Variants in GALNT6 observed in about 807,000 individuals in gnomAD.
The protein encoded by GALNT6 is GalNAc transferase 6.
In GALNT6, 51 loss-of-function variants were observed where a neutral mutation model predicts 65.9. The observed-to-expected ratio is 0.77, with a 90% CI of 0.62 to 0.98. The LOEUF is 0.98. Among genes scored for constraint, GALNT6 ranks in the 50% least tolerant of loss-of-function variants. GALNT6 has a pLI of 0.00. For missense variants in GALNT6, 708 were observed against 803.3 expected (o/e 0.88, Z 1.43); for synonymous variants, 323 against 315.1 (o/e 1.02, Z -0.26).
rs1250871804 is a variant in GALNT6, at chr12:51,365,576, T to C, written c.668A>G (p.His223Arg). 6.2e-7 allele frequency: 1 copy of C among 1,613,638 alleles called. No individual in the cohort carries two copies. Among genetic ancestry groups the C allele is most frequent in the East Asian group, 2.2e-5 (1 of 44,876 alleles). ...ILVDDASTEE[H>R]LKEKLEQYVK... Reference sequence around the variant, plus strand: ...GTACTGCTCCAGCTTCTCCTTTAGGTGCTCTGGAAGGGACAGTGTCATTGT... The same window carrying C: ...GTACTGCTCCAGCTTCTCCTTTAGGCGCTCTGGAAGGGACAGTGTCATTGT... Residue 223 changes from histidine to arginine, a missense_variant, in exon 5 of 12, where the codon CAC becomes CGC. By Grantham distance (29) the His-to-Arg change is conservative. Transcript: ENST00000356317.
chr12:51,366,810 C>G (rs1947120632), intron 4 of GALNT6, among the ~76,000 whole-genome samples: 1 of 152,204 alleles, frequency 6.6e-6, no homozygotes, highest in South Asian at 2.1e-4. Context: ...GTAATTTAGT[C>G]TGAAATCCTC....
At chr12:51,380,784 C>T (rs1014310969) in intron 2 of GALNT6, among the ~76,000 whole-genome samples, 1 of 152,088 alleles carries the variant, frequency 6.6e-6, no homozygotes, top group African/African-American at 2.4e-5. Context: ...GAGCAAGACT[C>T]CGTCTCCCCA....
At chr12:51,368,492 C>T (rs1947185500) in intron 4 of GALNT6, among the ~76,000 whole-genome samples, 1 of 151,504 alleles carries the variant, frequency 6.6e-6, no homozygotes, top group Admixed American at 6.6e-5. Flanking sequence ...ACAACCTCCA[C>T]CTCCTGGGTT....
intron 7 of GALNT6, 36 bp downstream of exon 7, chr12:51,360,685 T>G: frequency 8.5e-7 from 1 of 1,180,852 alleles, no homozygotes; most frequent in East Asian, 2.4e-5. Flanking sequence ...TCGCCTGGGA[T>G]GTTGTGGTTC....
intron 4 of GALNT6, among the ~76,000 whole-genome samples, chr12:51,365,954 G>A (rs1219221809): frequency 6.6e-6 from 1 of 152,150 alleles, no homozygotes; most frequent in Non-Finnish European, 1.5e-5. Flanking sequence ...GTCTCATTCT[G>A]TCACCCAGGC....
At chr12:51,362,739 C>T (rs1946962234) in intron 6 of GALNT6, among the ~76,000 whole-genome samples, 1 of 152,200 alleles carries the variant, frequency 6.6e-6, no homozygotes, top group Non-Finnish European at 1.5e-5. Flanking sequence ...TCTCTTTTGC[C>T]TTTTCCTTTC....
chr12:51,354,575 T>C, intron 11 of GALNT6, 83 bp from the exon 12 acceptor site: 5 of 804,072 alleles, frequency 6.2e-6, no homozygotes, highest in Non-Finnish European at 4.0e-6. Context: ...GGGGTGCAAT[T>C]GACAAAAGCC....
chr12:51,365,333 G>A (rs1213388615), intron 5 of GALNT6, 97 bp downstream of exon 5: 2 of 1,189,956 alleles, frequency 1.7e-6, no homozygotes, highest in Admixed American at 2.5e-5. Flanking sequence ...TCCCGGAAGA[G>A]AGAACAGGAA....
intron 4 of GALNT6, among the ~76,000 whole-genome samples, chr12:51,366,073 A>T (rs1323146799): frequency 6.6e-6 from 1 of 152,154 alleles, no homozygotes; most frequent in African/African-American, 2.4e-5. Flanking sequence ...GTGTGCAACC[A>T]TGCCTGGCTC....
At chr12:51,388,855 G>A (rs1325817141) in intron 2 of GALNT6, among the ~76,000 whole-genome samples, 1 of 152,106 alleles carries the variant, frequency 6.6e-6, no homozygotes, top group East Asian at 1.9e-4. Flanking sequence ...TCTCTATTAC[G>A]TGCAGAGTTG....
chr12:51,357,831 CCT>C (rs1946798190), intron 9 of GALNT6, among the ~76,000 whole-genome samples: 1 of 152,178 alleles, frequency 6.6e-6, no homozygotes, highest in Admixed American at 6.5e-5. Context: ...TCAGACCTCC[CCT>C]GAGTCCTTCT....
chr12:51,382,039 G>C (rs186092864), intron 2 of GALNT6, among the ~76,000 whole-genome samples: 3 of 152,340 alleles, frequency 2.0e-5, no homozygotes, highest in African/African-American at 7.2e-5. Flanking sequence ...TGGGGAGGTG[G>C]ATTCATTCTG....
chr12:51,363,890 G>A (rs1947004717), intron 6 of GALNT6, among the ~76,000 whole-genome samples: 1 of 152,258 alleles, frequency 6.6e-6, no homozygotes, highest in African/African-American at 2.4e-5. Context: ...GACAGTCCGG[G>A]AAGTGTGTCC....
intron 3 of GALNT6, among the ~76,000 whole-genome samples, chr12:51,378,886 C>G (rs971705971): frequency 2.1e-5 from 3 of 142,916 alleles, no homozygotes; most frequent in Admixed American, 7.2e-5. Flanking sequence ...ATGCCCACCC[C>G]CCCCCCAAAC....
At chr12:51,384,173 C>G (rs1473009101) in intron 2 of GALNT6, among the ~76,000 whole-genome samples, 1 of 152,132 alleles carries the variant, frequency 6.6e-6, no homozygotes, top group Non-Finnish European at 1.5e-5. Context: ...GGCTTTGATC[C>G]CGAGATGATG....
intron 4 of GALNT6, among the ~76,000 whole-genome samples, chr12:51,371,594 C>CT (rs931678213): frequency 7.2e-5 from 11 of 151,988 alleles, no homozygotes; most frequent in Non-Finnish European, 1.6e-4. Flanking sequence ...CTGCATTCTT[C>CT]TTTTTTTTCC....
intron 4 of GALNT6, among the ~76,000 whole-genome samples, chr12:51,373,274 G>C (rs1396184355): frequency 6.6e-6 from 1 of 152,178 alleles, no homozygotes; most frequent in Admixed American, 6.5e-5. Flanking sequence ...ATCTCATCTT[G>C]AGTCGTAGGT....
At chr12:51,356,716 T>C (rs148638627) in intron 10 of GALNT6, among the ~76,000 whole-genome samples, 122 of 152,274 alleles carry the variant, frequency 8.0e-4, no homozygotes, top group African/African-American at 2.9e-3. Flanking sequence ...TCATTTTAAG[T>C]AACATCCGTG....
At chr12:51,357,241 G>A in intron 10 of GALNT6, 108 bp downstream of exon 10, 1 of 705,968 alleles carries the variant, frequency 1.4e-6, no homozygotes, top group Non-Finnish European at 2.6e-6. Flanking sequence ...CTTCCTGAGG[G>A]CAGGGATGGT....
Sources: gnomAD v4.1 joint callset for allele counts (sites outside exome capture counted in the v4.1 genomes callset) on GRCh38, gnomAD v4.1.1 for gene constraint, MANE v1.5 for transcripts, NCBI Gene and HGNC (gene_info 2026-07-23, HGNC 2026-07-21) for gene names.